Variants in KIF3A observed in about 807,000 individuals in gnomAD.
The protein encoded by KIF3A is kinesin-like protein KIF3A.
In KIF3A, 27 loss-of-function variants were observed where a neutral mutation model predicts 92.6. That is an observed-to-expected ratio of 0.29 (90% CI 0.21 to 0.40). KIF3A has a LOEUF of 0.40. Among genes scored for constraint, KIF3A ranks in the 10% least tolerant of loss-of-function variants. The probability of loss-of-function intolerance (pLI) is 1.00; values close to 1 mark genes in which losing one functional copy is unlikely to be tolerated. For synonymous variants in KIF3A, 250 were observed against 275.4 expected (o/e 0.91, Z 0.92); for missense variants, 581 against 872.6 (o/e 0.67, Z 4.21).
chr5:132,726,641 T>C (rs569825416), intron 2 of KIF3A, 143 bp from the exon 3 acceptor site: 1 of 708,146 alleles, frequency 1.4e-6, no homozygotes, highest in African/African-American at 1.8e-5. Context: ...ACCTTTATTA[T>C]CAACAATTAC....
Position 132,700,686 on chromosome 5 carries a change from G to A in KIF3A, c.1899C>T (p.Asn633=), listed in dbSNP as rs377235336. Residue 633 remains asparagine, a synonymous_variant, in exon 16 of 19, where the codon AAC becomes AAT. Transcript: ENST00000403231. The part of the protein sequence containing the change: ...IPRDYQEMIE[N]YVHWNEDIGE... Reference sequence around the variant, plus strand: ...CTATGTCTTCATTCCAATGGACATAGTTTTCAATCATTTCCTTTTAAAAGG... The same window carrying A: ...CTATGTCTTCATTCCAATGGACATAATTTTCAATCATTTCCTTTTAAAAGG... 3 of 1,591,772 alleles carry A rather than the reference G, an allele frequency of 1.9e-6. No homozygotes were observed. The highest frequency in any genetic ancestry group is 2.2e-5 in the East Asian group (1 of 44,778).
chr5:132,718,191 TA>T (rs1225357270), intron 5 of KIF3A, among the ~76,000 whole-genome samples: 8 of 152,210 alleles, frequency 5.3e-5, no homozygotes. Flanking sequence ...TTTTCACATA[TA>T]AATAAATGGG....
intron 1 of KIF3A, chr5:132,736,996 G>A (rs1754414464): frequency 6.1e-6 from 2 of 330,560 alleles, no homozygotes; most frequent in African/African-American, 2.2e-5. Context: ...ATAGGGGCAG[G>A]CAGCCTTCGC....
At position 132,703,643 on chromosome 5, in the gene KIF3A, C is replaced by T. The variant is rs746738184; in HGVS notation, c.1310-24G>A. ...TCCTATTTGAATCATTTAATTGCAA[C>T]AATCACTAAAATGAATCAATGTTTC... On this transcript the variant is annotated intron_variant, in intron 11 of 18. Coordinates refer to ENST00000403231, the MANE Select transcript of KIF3A (RefSeq NM_001300791.2). 5.8e-6 allele frequency: 9 copies of T among 1,558,214 alleles called. No homozygotes were observed. The African/African-American group carries it at 8.2e-5, about 14-fold the overall frequency.
At chr5:132,737,090 C>G (rs938500584) in intron 1 of KIF3A, among the ~76,000 whole-genome samples, 1 of 152,256 alleles carries the variant, frequency 6.6e-6, no homozygotes. Flanking sequence ...TGGCCACCCC[C>G]AGACGCCCCG....
intron 2 of KIF3A, among the ~76,000 whole-genome samples, chr5:132,729,546 T>TA (rs1471497896): frequency 4.6e-5 from 7 of 152,156 alleles, no homozygotes; most frequent in African/African-American, 1.4e-4. Context: ...ATTCAAGCCA[T>TA]AAAAAATATG....
chr5:132,724,561 CAT>C (rs1394393926), intron 4 of KIF3A, among the ~76,000 whole-genome samples: 1 of 151,852 alleles, frequency 6.6e-6, no homozygotes, highest in African/African-American at 2.4e-5. Context: ...CCAAACACCA[CAT>C]GTTCTCACTT....
At chr5:132,698,500 A>G (rs912697500) in intron 18 of KIF3A, among the ~76,000 whole-genome samples, 5 of 152,218 alleles carry the variant, frequency 3.3e-5, no homozygotes, top group Non-Finnish European at 7.3e-5. Flanking sequence ...GGCACCTGAC[A>G]GAAAAACTAA....
At position 132,716,293 on chromosome 5, in the gene KIF3A, C is replaced by A; in HGVS notation, c.906G>T (p.Leu302=). ...CTAAGGAATCCTGAAGAAGACGAGT[C>A]AGTTTAGAGTTACGATAAGGCACAT... ...STHVPYRNSK[L]TRLLQDSLGG... is the part of the protein sequence containing the mutation. Residue 302 remains leucine, a synonymous_variant, in exon 7 of 19, where the codon CTG becomes CTT. Transcript: ENST00000403231. The A allele has an allele frequency of 6.2e-7, 1 of 1,613,950 alleles. No individual in the cohort carries two copies. The highest frequency in any genetic ancestry group is 1.1e-5 in the South Asian group (1 of 91,050).
At chr5:132,689,220 T>C (rs573867671), downstream of KIF3A, among the ~76,000 whole-genome samples, 1 of 152,332 alleles carries the variant, frequency 6.6e-6, no homozygotes, top group South Asian at 2.1e-4. Context: ...TAATAATTAA[T>C]AAATGTGTTT....
intron 2 of KIF3A, among the ~76,000 whole-genome samples, chr5:132,729,005 A>T (rs1754134649): frequency 1.3e-5 from 2 of 152,210 alleles, no homozygotes; most frequent in African/African-American, 4.8e-5. Flanking sequence ...AGAGACTATT[A>T]TTCTAAGAGA....
intron 2 of KIF3A, among the ~76,000 whole-genome samples, chr5:132,731,622 G>A (rs1239128595): frequency 6.6e-6 from 1 of 152,086 alleles, no homozygotes; most frequent in Non-Finnish European, 1.5e-5. Flanking sequence ...ATTTACTGGA[G>A]GTTCTAGCCT....
chr5:132,713,780 C>T (rs1391091172), intron 8 of KIF3A, among the ~76,000 whole-genome samples: 1 of 150,912 alleles, frequency 6.6e-6, no homozygotes, highest in East Asian at 1.9e-4. Flanking sequence ...GAATGTTATT[C>T]AGAATTAAAA....
At chr5:132,727,894 C>T (rs573634734) in intron 2 of KIF3A, among the ~76,000 whole-genome samples, 16 of 152,254 alleles carry the variant, frequency 1.1e-4, no homozygotes, top group East Asian at 9.6e-4. Context: ...TTAACCTCAA[C>T]TTTTCTCAGA....
At chr5:132,717,532 TA>T (rs976897169) in intron 5 of KIF3A, among the ~76,000 whole-genome samples, 6 of 150,492 alleles carry the variant, frequency 4.0e-5, no homozygotes, top group African/African-American at 1.5e-4. Context: ...AGTGCAGCAT[TA>T]AAAAAAATAA....
At chr5:132,730,605 A>G (rs1331306356) in intron 2 of KIF3A, among the ~76,000 whole-genome samples, 1 of 151,302 alleles carries the variant, frequency 6.6e-6, no homozygotes, top group Non-Finnish European at 1.5e-5. Context: ...TAGAAAACAT[A>G]GTGAGACCCT....
chr5:132,720,506 T>TA, intron 5 of KIF3A, 103 bp downstream of exon 5: 2 of 614,904 alleles, frequency 3.3e-6, no homozygotes, highest in Non-Finnish European at 5.7e-6. Context: ...TCAAGAAACC[T>TA]AAAAAATCCA....
intron 8 of KIF3A, 137 bp downstream of exon 8, chr5:132,715,620 C>G: frequency 1.7e-6 from 1 of 604,528 alleles, no homozygotes; most frequent in Non-Finnish European, 2.8e-6. Flanking sequence ...TACCAAGTCA[C>G]TTTCTAGAAA....
At position 132,720,608 on chromosome 5, in the gene KIF3A, C is replaced by G; in HGVS notation, c.616+1G>C. 2 of 1,588,328 alleles carry G rather than the reference C, an allele frequency of 1.3e-6. No individual in the cohort carries two copies. The highest frequency in any genetic ancestry group is 1.7e-6 in the Non-Finnish European group (2 of 1,161,072). On this transcript the variant is annotated splice_donor_variant, in intron 5 of 18. Transcript: ENST00000403231. LOFTEE classifies it high-confidence loss of function. ...TAATCACAATTACACACTATACTTA[C>G]GATTTTTGTGGCCTAGCGTCATAAT...
Sources: allele counts gnomAD v4.1 joint callset (sites outside exome capture counted in the v4.1 genomes callset), GRCh38; gene constraint gnomAD v4.1.1; transcripts MANE v1.5; gene names NCBI Gene and HGNC (gene_info 2026-07-23, HGNC 2026-07-21).